The following SETBP1 variants were observed in gnomAD, a reference collection of about 807,000 sequenced individuals.
SETBP1 encodes SET binding protein 1, also known as SET-binding protein.
A neutral mutation model predicts 101.0 loss-of-function variants in SETBP1; 9 were observed. The ratio of observed to expected loss-of-function variants is 0.09; its 90% CI spans 0.05 to 0.16. The LOEUF (loss-of-function observed/expected upper bound fraction) is 0.16. SETBP1 is among the 10% of genes least tolerant of loss of function. The pLI, the probability that SETBP1 is intolerant of heterozygous loss-of-function variation, is 1.00. For missense variants in SETBP1, 1,858 were observed against 2,033.8 expected, an observed-to-expected ratio of 0.91 and a Z score of 1.66; for synonymous variants, 818 against 788.5, an observed-to-expected ratio of 1.04 and a Z score of -0.63.
At chr18:44,818,464 T>C in intron 2 of SETBP1, among the ~76,000 whole-genome samples, 1 of 152,154 alleles carries the variant, frequency 6.6e-6, no homozygotes, top group Middle Eastern at 3.2e-3. Flanking sequence ...TGGGAACTCC[T>C]TGGGTTTAAA....
intron 5 of SETBP1, among the ~76,000 whole-genome samples, chr18:45,047,241 A>G (rs1209514193): frequency 6.6e-6 from 1 of 152,098 alleles, no homozygotes; most frequent in Admixed American, 6.6e-5. Flanking sequence ...ATGACCTCAC[A>G]CTCGGAAAAG....
upstream of SETBP1, chr18:44,680,835 G>C (rs1024385184): frequency 1.3e-5 from 2 of 150,862 alleles, no homozygotes; most frequent in Admixed American, 6.6e-5. Flanking sequence ...GACTCGGGAG[G>C]GGGAGGGGGT....
chr18:44,839,779 A>G (rs1599202811), intron 2 of SETBP1, among the ~76,000 whole-genome samples: 1 of 152,334 alleles, frequency 6.6e-6, no homozygotes, highest in East Asian at 1.9e-4. Context: ...TGTGTACAGT[A>G]AGCACAGGAT....
rs2073133766 is a variant in SETBP1, at chr18:45,024,834, A to C, written c.4001-13651A>C. On this transcript the variant is annotated intron_variant, in intron 4 of 5. Transcript: ENST00000649279. Reference sequence around the variant, plus strand: ...CTTACAGAATCAACCAAGTAGAAAGAAATGTTGAGATGCATTTAACCTCAT... The same window carrying C: ...CTTACAGAATCAACCAAGTAGAAAGCAATGTTGAGATGCATTTAACCTCAT... Among the ~76,000 whole-genome samples, 3 of 152,202 alleles carry C rather than the reference A, an allele frequency of 2.0e-5. No homozygotes were observed. In the South Asian group the frequency reaches 6.2e-4, roughly 31 times the overall value.
chr18:44,993,203 C>T (rs1306397060), intron 4 of SETBP1, among the ~76,000 whole-genome samples: 1 of 152,030 alleles, frequency 6.6e-6, no homozygotes, highest in Non-Finnish European at 1.5e-5. Context: ...AGGCACCAAA[C>T]CTAACAATGA....
chr18:44,792,234 G>A (rs375188257), intron 2 of SETBP1, among the ~76,000 whole-genome samples: 1 of 152,198 alleles, frequency 6.6e-6, no homozygotes, highest in African/African-American at 2.4e-5. Flanking sequence ...CGCAAATACA[G>A]TGTCATGCTG....
At position 44,861,405 on chromosome 18, in the gene SETBP1, A is replaced by AT. The variant is rs202062728; in HGVS notation, c.487-7815dup. Among the ~76,000 whole-genome samples the AT allele has an allele frequency of 5.6e-4, 83 of 148,130 alleles. 2 individuals are homozygous for AT. Among genetic ancestry groups the AT allele is most frequent in the East Asian group, 2.6e-3 (13 of 5,072 alleles). On this transcript the variant is annotated intron_variant, in intron 2 of 5. Coordinates refer to ENST00000649279, the MANE Select transcript of SETBP1 (RefSeq NM_015559.3). ...AGGCACCTGCCACTATGCCCAGCTA[A>AT]TTTTTTTTTTATTTTTAATAGAGAT...
rs1029963106 is a variant in SETBP1 at position 44,847,517 on chromosome 18, G to A, written c.487-21713G>A. 4.6e-5 allele frequency among the ~76,000 whole-genome samples: 7 copies of A among 152,140 alleles called. No homozygotes were observed. In the South Asian group the frequency reaches 6.2e-4, roughly 14 times the overall value. On this transcript the variant is annotated intron_variant, in intron 2 of 5. Transcript: ENST00000649279. ...TTGTGTGAGGAAGTGGGAATGGCTC[G>A]AAGCAAGCCCATCTCCAGGGCTAGA... is the stretch of plus-strand genomic sequence containing the variant.
At chr18:44,737,270 C>T (rs186794091) in intron 2 of SETBP1, among the ~76,000 whole-genome samples, 41 of 152,318 alleles carry the variant, frequency 2.7e-4, no homozygotes, top group Admixed American at 1.6e-3. Flanking sequence ...TCTTGGCTGA[C>T]TGAAAGAGCA....
chr18:44,899,830 G>A (rs2069999109), intron 3 of SETBP1, among the ~76,000 whole-genome samples: 1 of 152,088 alleles, frequency 6.6e-6, no homozygotes, highest in Admixed American at 6.5e-5. Flanking sequence ...TATATTAAAT[G>A]CTTTTTAAGT....
intron 4 of SETBP1, among the ~76,000 whole-genome samples, chr18:44,968,273 G>A (rs575275492): frequency 6.6e-6 from 1 of 151,994 alleles, no homozygotes. Context: ...ACAATTCCTG[G>A]GAATACAAGA....
intron 2 of SETBP1, among the ~76,000 whole-genome samples, chr18:44,848,768 G>T (rs572399196): frequency 6.6e-6 from 1 of 152,276 alleles, no homozygotes; most frequent in Non-Finnish European, 1.5e-5. Flanking sequence ...CGATGATTCC[G>T]GCAGGTCTGG....
intron 5 of SETBP1, among the ~76,000 whole-genome samples, chr18:45,039,569 G>A (rs537905109): frequency 6.6e-6 from 1 of 152,326 alleles, no homozygotes; most frequent in African/African-American, 2.4e-5. Context: ...ACATACCTCA[G>A]AGGCAGAGTC....
At chr18:44,680,335 G>T (rs991434572), upstream of SETBP1, 17 of 151,422 alleles carry the variant, frequency 1.1e-4, no homozygotes, top group African/African-American at 4.1e-4. Flanking sequence ...TCGGGCGAGC[G>T]ACGGGAGCCG....
chr18:44,855,731 C>T (rs1304430553), intron 2 of SETBP1, among the ~76,000 whole-genome samples: 1 of 152,198 alleles, frequency 6.6e-6, no homozygotes, highest in Non-Finnish European at 1.5e-5. Flanking sequence ...GAAGAATTTC[C>T]AGCACATGAC....
Position 44,967,306 on chromosome 18 carries a change from T to A in SETBP1, c.4000+13966T>A, listed in dbSNP as rs148828963. 8.1e-4 allele frequency among the ~76,000 whole-genome samples: 124 copies of A among 152,318 alleles called. 1 individual carries two copies. Among genetic ancestry groups the A allele is most frequent in the Non-Finnish European group, 1.4e-3 (93 of 68,026 alleles). ...TCTCTGGAAAGGGCAGTCATCACCA[T>A]CCCTTGGCATCGGGACTGTCACGGC... On this transcript the variant is annotated intron_variant, in intron 4 of 5. Coordinates refer to ENST00000649279, the MANE Select transcript of SETBP1 (RefSeq NM_015559.3).
At chr18:44,769,330 T>C (rs569455943) in intron 2 of SETBP1, among the ~76,000 whole-genome samples, 1 of 152,374 alleles carries the variant, frequency 6.6e-6, no homozygotes, top group South Asian at 2.1e-4. Context: ...CTCTTTAGTA[T>C]TGGTTCTAAC....
At chr18:44,893,419 C>T (rs971068884) in intron 3 of SETBP1, among the ~76,000 whole-genome samples, 14 of 152,106 alleles carry the variant, frequency 9.2e-5, no homozygotes, top group Non-Finnish European at 1.8e-4. Context: ...TGCTTAAATT[C>T]ACACAATTTG....
intron 4 of SETBP1, among the ~76,000 whole-genome samples, chr18:44,997,372 G>A (rs1052349778): frequency 6.6e-6 from 1 of 152,110 alleles, no homozygotes; most frequent in Non-Finnish European, 1.5e-5. Flanking sequence ...TGGCCTATTT[G>A]CCAGGTGGCT....
Sources: allele counts gnomAD v4.1 joint callset (sites outside exome capture counted in the v4.1 genomes callset), GRCh38; gene constraint gnomAD v4.1.1; transcripts MANE v1.5; gene names NCBI Gene and HGNC (gene_info 2026-07-23, HGNC 2026-07-21).